CCNYL1: variants seen among roughly 807,000 people sequenced by gnomAD.
CCNYL1 encodes cyclin Y like 1, also known as cyclin-Y-like protein 1.
In CCNYL1, 16 loss-of-function variants were observed where a neutral mutation model predicts 44.2. That is an observed-to-expected ratio of 0.36 (90% CI 0.25 to 0.55). The LOEUF is 0.55. CCNYL1 is among the 20% of genes least tolerant of loss of function. The pLI is 0.85. For missense variants in CCNYL1, 348 were observed against 451.8 expected (o/e 0.77, Z 2.08); for synonymous variants, 159 against 163.2 (o/e 0.97, Z 0.20).
At position 207,737,076 on chromosome 2, in the gene CCNYL1, C is replaced by T. The variant is rs189324477; in HGVS notation, c.432-335C>T. On this transcript the variant is annotated intron_variant, in intron 4 of 9. Coordinates refer to ENST00000295414, the MANE Select transcript of CCNYL1 (RefSeq NM_001330218.2). ...GAATACAGGCGCCTGCTACCACGCC[C>T]GGCTAATTTTTTGTATTTTTAGTAG... 1.8e-4 allele frequency among the ~76,000 whole-genome samples: 27 copies of T among 152,202 alleles called. 1 individual carries two copies. Among genetic ancestry groups the T allele is most frequent in the Admixed American group, 1.4e-3 (21 of 15,286 alleles).
At chr2:207,720,367 T>A (rs1396636684) in intron 1 of CCNYL1, among the ~76,000 whole-genome samples, 1 of 151,576 alleles carries the variant, frequency 6.6e-6, no homozygotes, top group Non-Finnish European at 1.5e-5. Flanking sequence ...TAATGAAAAA[T>A]GAAATGGAGG....
chr2:207,712,109 G>T lies in CCNYL1; in HGVS notation c.213G>T (p.Met71Ile), dbSNP rs758371445. ...TGCAGCACATCAGCGACCGCGAGAT[G>T]CCCGAAGGTAAGGAGGCGGCGGATG... Reference protein sequence around the residue: ...HHLQHISDREMPEDLALESNP... With the variant: ...HHLQHISDREIPEDLALESNP... Residue 71 changes from methionine (M) to isoleucine (I), a missense_variant, in exon 1 of 10, where the codon ATG (methionine) becomes ATT (isoleucine). Around this residue, in one of 3 missense-constraint regions of CCNYL1, gnomAD observed 209 missense variants for 247.7 expected, o/e 0.84. Coordinates refer to ENST00000295414, the MANE Select transcript of CCNYL1 (RefSeq NM_001330218.2). 7 of 1,599,738 alleles carry T rather than the reference G, an allele frequency of 4.4e-6. No homozygotes were observed. The highest frequency in any genetic ancestry group is 2.2e-5 in the South Asian group (2 of 90,610).
At chr2:207,746,995 A>G in intron 7 of CCNYL1, 52 bp from the exon 8 acceptor site, 1 of 1,388,796 alleles carries the variant, frequency 7.2e-7, no homozygotes, top group Non-Finnish European at 9.9e-7. Context: ...AAAAAAGCTT[A>G]TCAAAGCATT....
At chr2:207,715,348 A>G (rs951486990) in intron 1 of CCNYL1, among the ~76,000 whole-genome samples, 1 of 149,992 alleles carries the variant, frequency 6.7e-6, no homozygotes, top group African/African-American at 2.5e-5. Context: ...TCATACATAA[A>G]TGACGCTCGG....
intron 3 of CCNYL1, among the ~76,000 whole-genome samples, chr2:207,730,479 C>T (rs183609777): frequency 1.1e-4 from 17 of 152,232 alleles, no homozygotes; most frequent in East Asian, 9.7e-4. Flanking sequence ...CTGCTGTGGC[C>T]GGGTGCGGTG....
chr2:207,750,817 A>C (rs1203235260), intron 8 of CCNYL1, 140 bp from the exon 9 acceptor site: 6 of 665,842 alleles, frequency 9.0e-6, no homozygotes, highest in Admixed American at 3.0e-5. Context: ...TGTGAACATT[A>C]GTATGTTAAT....
Position 207,731,029 on chromosome 2 carries a change from A to G in CCNYL1, c.331-2918A>G, listed in dbSNP as rs2091722170. Among the ~76,000 whole-genome samples the G allele has an allele frequency of 2.0e-5, 3 of 152,186 alleles. No homozygotes were observed. In the South Asian group the frequency reaches 6.2e-4, roughly 32 times the overall value. On this transcript the variant is annotated intron_variant, in intron 3 of 9. Transcript: ENST00000295414. ...GACATTTTTTAGTTATAATAAGCAT[A>G]TTATACTCTTCTAGTAAGGCCTTAG...
intron 5 of CCNYL1, among the ~76,000 whole-genome samples, chr2:207,739,377 C>T (rs921479755): frequency 3.3e-5 from 5 of 152,152 alleles, no homozygotes; most frequent in East Asian, 3.9e-4. Flanking sequence ...GGACTGCGGG[C>T]GCCTGTCACC....
At chr2:207,729,263 C>G in intron 3 of CCNYL1, among the ~76,000 whole-genome samples, 13 of 103,348 alleles carry the variant, frequency 1.3e-4, no homozygotes, top group African/African-American at 6.2e-4. Context: ...CCCCCCCGCC[C>G]CCACCCCACC....
chr2:207,731,841 G>A (rs958340804), intron 3 of CCNYL1, among the ~76,000 whole-genome samples: 5 of 130,788 alleles, frequency 3.8e-5, no homozygotes, highest in Non-Finnish European at 7.8e-5. Context: ...ACCAAGTCTC[G>A]CTCTGTCACC....
Position 207,750,922 on chromosome 2 carries a change from C to T in CCNYL1, c.807-35C>T, listed in dbSNP as rs2091886326. The T allele has an allele frequency of 3.1e-6, 5 of 1,598,308 alleles. No homozygotes were observed. In the East Asian group the frequency reaches 1.1e-4, roughly 36 times the overall value. ...AGATAGCCCAGTTGACTGACATTGTCCTGTGCTGGTTCTGTTGTGTTCTTC... is the reference window on the plus strand; with the variant it reads ...AGATAGCCCAGTTGACTGACATTGTTCTGTGCTGGTTCTGTTGTGTTCTTC... On this transcript the variant is annotated intron_variant, in intron 8 of 9. Transcript: ENST00000295414.
At chr2:207,719,606 C>A (rs996911129) in intron 1 of CCNYL1, among the ~76,000 whole-genome samples, 1 of 152,094 alleles carries the variant, frequency 6.6e-6, no homozygotes, top group Non-Finnish European at 1.5e-5. Context: ...CGGCTTATAG[C>A]AATTGCTCTT....
chr2:207,742,384 C>G (rs750163682), intron 7 of CCNYL1, 42 bp downstream of exon 7: 1 of 1,580,066 alleles, frequency 6.3e-7, no homozygotes, highest in African/African-American at 1.4e-5. Context: ...AGAAATTAGT[C>G]TTGTACACAG....
chr2:207,711,828 GGGCGGCTGTTGAGGGCGGCGGAGTA>G lies in CCNYL1; in HGVS notation c.-66_-42del. 2.7e-6 allele frequency: 3 copies of G among 1,092,182 alleles called. No individual in the cohort carries two copies. The highest frequency in any genetic ancestry group is 2.4e-6 in the Non-Finnish European group (2 of 825,980). 67.7% of individuals were successfully genotyped at this position (1,092,182 alleles called of 1,614,324 possible). Reference sequence around the variant, plus strand: ...CCGGCCGCGCCATTGTTGGGGGAGGGGGCGGCTGTTGAGGGCGGCGGAGTAGGGGGCGAGCGAAGGCGGTGGCAGA... The same window carrying G: ...CCGGCCGCGCCATTGTTGGGGGAGGGGGGGGCGAGCGAAGGCGGTGGCAGA... On this transcript the variant is annotated 5_prime_UTR_variant, in exon 1 of 10. Coordinates refer to ENST00000295414, the MANE Select transcript of CCNYL1 (RefSeq NM_001330218.2).
chr2:207,718,625 CGA>C (rs2091615737), intron 1 of CCNYL1, among the ~76,000 whole-genome samples: 1 of 152,002 alleles, frequency 6.6e-6, no homozygotes, highest in Non-Finnish European at 1.5e-5. Flanking sequence ...GAAATACAAA[CGA>C]AAACTGTGCT....
chr2:207,755,927 T>C lies in CCNYL1; in HGVS notation c.*2229T>C, dbSNP rs766391204. On this transcript the variant is annotated 3_prime_UTR_variant, in exon 10 of 10. Transcript: ENST00000295414. ...TGGGACAGGAGTACTTCCTCTATTA[T>C]AGCAATGCTTCACATCATATTGTGC... 5 of 151,456 alleles carry C rather than the reference T, an allele frequency of 3.3e-5. No homozygotes were observed. The highest frequency in any genetic ancestry group is 4.9e-5 in the African/African-American group (2 of 40,736). The allele number at this position is 151,456 out of a possible 1,614,324, so 9.4% of individuals were successfully genotyped here.
In CCNYL1 at chr2:207,747,224, A is replaced by G; in HGVS notation, c.806+11A>G. 20 of 1,593,880 alleles carry G rather than the reference A, an allele frequency of 1.3e-5. No homozygotes were observed. The highest frequency in any genetic ancestry group is 1.7e-5 in the Non-Finnish European group (20 of 1,165,928). On this transcript the variant is annotated intron_variant, in intron 8 of 9. Transcript: ENST00000295414. ...TACAGTTGAGGACATGTGAGTTTGT[A>G]AGGTTTTGGTGAACTTTCTAACCAT...
intron 8 of CCNYL1, among the ~76,000 whole-genome samples, chr2:207,750,320 G>A (rs758378902): frequency 6.6e-6 from 1 of 152,216 alleles, no homozygotes; most frequent in Admixed American, 6.5e-5. Context: ...ATTAAAGTGA[G>A]CAGAAACTTG....
intron 1 of CCNYL1, among the ~76,000 whole-genome samples, chr2:207,712,483 C>T (rs1347203637): frequency 6.6e-6 from 1 of 152,166 alleles, no homozygotes; most frequent in Non-Finnish European, 1.5e-5. Context: ...AATACCTCAA[C>T]TTCGGAGTAC....
Sources: gnomAD v4.1 joint callset for allele counts (sites outside exome capture counted in the v4.1 genomes callset) on GRCh38, gnomAD v4.1.1 for gene constraint, gnomAD v4.1.1 regional missense constraint, MANE v1.5 for transcripts, NCBI Gene and HGNC (gene_info 2026-07-23, HGNC 2026-07-21) for gene names.